Variants in ZNF540 observed in about 807,000 individuals in gnomAD.
ZNF540 encodes CTD-3064H18.6.
A neutral mutation model predicts 11.8 loss-of-function variants in ZNF540; 3 were observed. The observed-to-expected ratio is 0.25, with a 90% confidence interval of 0.12 to 0.65. ZNF540 has a LOEUF of 0.65. Among genes scored for constraint, ZNF540 ranks in the 30% least tolerant of loss-of-function variants. ZNF540 has a pLI of 0.83. For synonymous variants in ZNF540, 247 were observed against 259.0 expected (o/e 0.95, Z 0.45); for missense variants, 709 against 793.1 (o/e 0.89, Z 1.27).
intron 1 of ZNF540, chr19:37,566,232 C>T: frequency 6.2e-7 from 1 of 1,613,632 alleles, no homozygotes; most frequent in Non-Finnish European, 8.5e-7. Context: ...TGGAGTGATT[C>T]CATTTCATAA....
chr19:37,590,044 A>T (rs12981750), upstream of ZNF540, among the ~76,000 whole-genome samples: 117,392 of 151,390 alleles, frequency 0.78, 45,643 homozygotes, highest in South Asian at 0.87. Context: ...TAAAGAGATG[A>T]TTTAATTAAA....
chr19:37,591,216 C>G (rs2043859236), upstream of ZNF540, among the ~76,000 whole-genome samples: 1 of 152,184 alleles, frequency 6.6e-6, no homozygotes, highest in African/African-American at 2.4e-5. Context: ...AATCAGAACT[C>G]CTTAGAGAAA....
At chr19:37,558,178 T>A (rs1286620976) in intron 1 of ZNF540, among the ~76,000 whole-genome samples, 1 of 152,168 alleles carries the variant, frequency 6.6e-6, no homozygotes, top group Non-Finnish European at 1.5e-5. Context: ...GCCACTAAGA[T>A]TTTTGTTTGT....
intron 1 of ZNF540, among the ~76,000 whole-genome samples, chr19:37,551,960 T>TG (rs1417056332): frequency 2.6e-5 from 4 of 152,032 alleles, no homozygotes; most frequent in African/African-American, 9.7e-5. Context: ...TTCGCTTTCT[T>TG]GGGGGTCATT....
At chr19:37,588,620 C>A (rs1380352568) in intron 1 of ZNF540, among the ~76,000 whole-genome samples, 1 of 152,148 alleles carries the variant, frequency 6.6e-6, no homozygotes. Flanking sequence ...CTGCTCACTA[C>A]CTGGGTGACT....
intron 1 of ZNF540, among the ~76,000 whole-genome samples, chr19:37,573,752 T>G (rs978774199): frequency 2.0e-5 from 3 of 151,198 alleles, no homozygotes; most frequent in African/African-American, 7.3e-5. Context: ...GGAGGATCAC[T>G]TCAGCCCGAG....
chr19:37,570,041 G>A (rs1238563376), intron 1 of ZNF540: 3 of 152,152 alleles, frequency 2.0e-5, no homozygotes, highest in African/African-American at 4.8e-5. Flanking sequence ...TCTCCACAGA[G>A]ATCTCAATTT....
chr19:37,558,066 A>AG (rs1280714420), intron 1 of ZNF540, among the ~76,000 whole-genome samples: 3 of 152,176 alleles, frequency 2.0e-5, no homozygotes, highest in African/African-American at 7.2e-5. Flanking sequence ...GGAGGGCTAA[A>AG]GCAGGGGCTT....
chr19:37,566,315 T>A, intron 1 of ZNF540: 1 of 1,565,820 alleles, frequency 6.4e-7, no homozygotes, highest in Non-Finnish European at 8.6e-7. Context: ...AGAAAGCAAA[T>A]TCCTGCTTTT....
At chr19:37,601,243 A>T in intron 4 of ZNF540, 138 bp downstream of exon 4, 1 of 622,848 alleles carries the variant, frequency 1.6e-6, no homozygotes. Flanking sequence ...AAAGGTTAAG[A>T]CAGGGAAGAA....
At chr19:37,604,616 AT>A (rs1394004226) in intron 4 of ZNF540, among the ~76,000 whole-genome samples, 2 of 151,472 alleles carry the variant, frequency 1.3e-5, no homozygotes, top group African/African-American at 4.9e-5. Context: ...CAGCCTTACT[AT>A]TTTTTTTCAA....
chr19:37,607,518 T>C (rs548054858), intron 4 of ZNF540, among the ~76,000 whole-genome samples: 1 of 152,374 alleles, frequency 6.6e-6, no homozygotes, highest in Middle Eastern at 3.4e-3. Context: ...AGCATTTTAC[T>C]GTCTCCATCG....
intron 1 of ZNF540, among the ~76,000 whole-genome samples, chr19:37,571,989 C>T (rs557522458): frequency 6.6e-6 from 1 of 152,110 alleles, no homozygotes; most frequent in East Asian, 1.9e-4. Flanking sequence ...CTAATTTTAC[C>T]ATTATCCAAA....
chr19:37,582,321 T>G (rs2043499538), intron 1 of ZNF540, among the ~76,000 whole-genome samples: 1 of 152,232 alleles, frequency 6.6e-6, no homozygotes, highest in Non-Finnish European at 1.5e-5. Flanking sequence ...TTACTTGAAC[T>G]CCTAGCATTA....
At chr19:37,555,836 G>A (rs2042652943) in intron 1 of ZNF540, 3 of 694,986 alleles carry the variant, frequency 4.3e-6, no homozygotes, top group Non-Finnish European at 7.9e-6. Flanking sequence ...GACAGTTATA[G>A]TAAGAGGATT....
chr19:37,612,250 A>C lies in ZNF540; in HGVS notation c.970A>C (p.Lys324Gln). ...FKEHERIHTG[K>Q]KPYECKECGK... ...AGAACATGAGAGAATTCATACAGGT[A>C]AGAAACCCTATGAATGTAAGGAGTG... Residue 324 changes from lysine to glutamine, a missense_variant, in exon 5 of 5, where the codon AAG (lysine) becomes CAG (glutamine). Physicochemically the swap from Lys to Gln is moderately conservative, Grantham distance 53. Coordinates refer to ENST00000316433, the MANE Select transcript of ZNF540 (RefSeq NM_001172225.3). 6.2e-7 allele frequency: 1 copy of C among 1,613,874 alleles called. No individual in the cohort carries two copies. Among genetic ancestry groups the C allele is most frequent in the Non-Finnish European group, 8.5e-7 (1 of 1,179,986 alleles).
At position 37,612,213 on chromosome 19, in the gene ZNF540, T is replaced by C; in HGVS notation, c.933T>C (p.Ile311=). ...CKECGKVFQL[I]FYFKEHERIH... is the part of the protein sequence containing the mutation. The stretch of plus-strand genomic sequence containing the variant: ...AATGTGGAAAAGTTTTTCAACTTAT[T>C]TTCTACTTTAAAGAACATGAGAGAA... The change falls in exon 5 of 5, where the codon ATT becomes ATC. Residue 311 remains isoleucine (I), a synonymous_variant. Transcript: ENST00000316433. 6.2e-7 allele frequency: 1 copy of C among 1,612,852 alleles called. No homozygotes were observed. The highest frequency in any genetic ancestry group is 8.5e-7 in the Non-Finnish European group (1 of 1,179,800).
intron 1 of ZNF540, among the ~76,000 whole-genome samples, chr19:37,588,316 CT>C (rs1448404240): frequency 6.6e-6 from 1 of 151,838 alleles, no homozygotes; most frequent in African/African-American, 2.4e-5. Context: ...AAAAAAATGC[CT>C]GATAATAAAG....
At chr19:37,586,195 C>G (rs2043667812) in intron 1 of ZNF540, 1 of 153,710 alleles carries the variant, frequency 6.5e-6, no homozygotes, top group South Asian at 2.1e-4. Context: ...TTCATAGAAC[C>G]CAATTCCCAA....
Sources: gnomAD v4.1 joint callset for allele counts (sites outside exome capture counted in the v4.1 genomes callset) on GRCh38, gnomAD v4.1.1 for gene constraint, MANE v1.5 for transcripts, NCBI Gene and HGNC (gene_info 2026-07-23, HGNC 2026-07-21) for gene names.